AHI1: variants seen among roughly 807,000 people sequenced by gnomAD.
The protein encoded by AHI1 is jouberin.
AHI1 carries 123 observed loss-of-function variants against 149.3 expected under a neutral mutation model. The ratio of observed to expected loss-of-function variants is 0.82; its 90% CI spans 0.71 to 0.96. AHI1 has a LOEUF of 0.96. Ranked by LOEUF, AHI1 falls within the 40% of genes least tolerant of loss-of-function variation. The probability of loss-of-function intolerance (pLI) is 0.00; values close to 1 mark genes in which losing one functional copy is unlikely to be tolerated. For missense variants in AHI1, 1,439 were observed against 1,422.7 expected, an observed-to-expected ratio of 1.01 and a Z score of -0.18; for synonymous variants, 475 against 459.8, an observed-to-expected ratio of 1.03 and a Z score of -0.42.
intron 5 of AHI1, among the ~76,000 whole-genome samples, chr6:135,479,225 G>A (rs1282849333): frequency 6.6e-6 from 1 of 152,228 alleles, no homozygotes; most frequent in East Asian, 1.9e-4. Flanking sequence ...TGTGAGAAGA[G>A]GGCCACTGTC....
At chr6:135,327,228 T>G (rs187538222) in intron 24 of AHI1, among the ~76,000 whole-genome samples, 1 of 152,314 alleles carries the variant, frequency 6.6e-6, no homozygotes, top group African/African-American at 2.4e-5. Flanking sequence ...ATGAACCACT[T>G]ACTACCACCC....
chr6:135,486,596 G>A (rs1182088549), intron 5 of AHI1, among the ~76,000 whole-genome samples: 5 of 151,874 alleles, frequency 3.3e-5, no homozygotes, highest in Non-Finnish European at 5.9e-5. Flanking sequence ...TATTTATATA[G>A]AGTTTTTTGT....
chr6:135,312,870 C>T (rs1483213776), intron 26 of AHI1, among the ~76,000 whole-genome samples: 2 of 152,092 alleles, frequency 1.3e-5, no homozygotes, highest in Admixed American at 6.5e-5. Context: ...AACTTAGATG[C>T]CCCACAATTT....
chr6:135,339,228 T>A, intron 24 of AHI1, among the ~76,000 whole-genome samples: 1 of 152,202 alleles, frequency 6.6e-6, no homozygotes, highest in East Asian at 1.9e-4. Context: ...ACTAGAGAAA[T>A]TAATTTCCAG....
chr6:135,488,542 GTC>G (rs1381265574), intron 5 of AHI1, among the ~76,000 whole-genome samples: 2 of 152,060 alleles, frequency 1.3e-5, no homozygotes, highest in Non-Finnish European at 2.9e-5. Context: ...CACCTAACAT[GTC>G]TGTTTGTCTG....
chr6:135,328,771 G>T lies in AHI1; in HGVS notation c.3166-5447C>A, dbSNP rs147458618. Among the ~76,000 whole-genome samples, 381 of 152,168 alleles carry T rather than the reference G, an allele frequency of 2.5e-3. 5 individuals carry two copies. Among genetic ancestry groups the T allele is most frequent in the African/African-American group, 8.4e-3 (349 of 41,526 alleles). On this transcript the variant is annotated intron_variant, in intron 24 of 28. Coordinates refer to ENST00000265602, the MANE Select transcript of AHI1 (RefSeq NM_001134831.2). ...GAGGAAGGGATGTAGAAAGCTGATAGAAGCAAAAAACTGGCATTTTGTGCC... is the reference window on the plus strand; with the variant it reads ...GAGGAAGGGATGTAGAAAGCTGATATAAGCAAAAAACTGGCATTTTGTGCC...
intron 23 of AHI1, among the ~76,000 whole-genome samples, chr6:135,376,605 C>T (rs186904781): frequency 2.1e-3 from 313 of 151,930 alleles, no homozygotes; most frequent in African/African-American, 7.1e-3. Context: ...GGTCGAAGGC[C>T]GGGCGCAGTG....
At chr6:135,485,749 G>C (rs1794382172) in intron 5 of AHI1, among the ~76,000 whole-genome samples, 1 of 151,988 alleles carries the variant, frequency 6.6e-6, no homozygotes, top group South Asian at 2.1e-4. Context: ...ATTCACATAG[G>C]TTTTCTAATA....
chr6:135,466,546 T>C (rs964794339), intron 6 of AHI1, among the ~76,000 whole-genome samples, 173 bp from the exon 7 acceptor site: 13 of 152,222 alleles, frequency 8.5e-5, no homozygotes, highest in African/African-American at 3.1e-4. Context: ...TAATTTATGC[T>C]TCCAGAATTT....
intron 20 of AHI1, among the ~76,000 whole-genome samples, chr6:135,416,207 T>C (rs1337635198): frequency 1.3e-5 from 2 of 152,058 alleles, no homozygotes; most frequent in Non-Finnish European, 2.9e-5. Flanking sequence ...TAATTAATCT[T>C]ACTATGCAGA....
At chr6:135,382,425 C>T (rs922725631) in intron 23 of AHI1, among the ~76,000 whole-genome samples, 1 of 152,150 alleles carries the variant, frequency 6.6e-6, no homozygotes, top group Non-Finnish European at 1.5e-5. Context: ...GGTTCCTAAA[C>T]CTAATTTCCA....
chr6:135,384,906 T>G (rs1777353822), intron 23 of AHI1, among the ~76,000 whole-genome samples: 1 of 151,240 alleles, frequency 6.6e-6, no homozygotes, highest in Non-Finnish European at 1.5e-5. Flanking sequence ...CTGCCCACCA[T>G]GGTGAAATCC....
intron 13 of AHI1, among the ~76,000 whole-genome samples, chr6:135,446,800 C>G (rs1787308572): frequency 6.6e-6 from 1 of 152,000 alleles, no homozygotes; most frequent in Non-Finnish European, 1.5e-5. Flanking sequence ...GCCCAAGTGC[C>G]CAAAGAATGT....
At chr6:135,456,431 C>A (rs1156526123) in intron 9 of AHI1, among the ~76,000 whole-genome samples, 3 of 151,686 alleles carry the variant, frequency 2.0e-5, no homozygotes, top group Non-Finnish European at 4.4e-5. Flanking sequence ...GCAGTCCCAG[C>A]TACGTGGGAG....
chr6:135,302,784 A>C (rs1308405708), intron 26 of AHI1: 9 of 1,288,874 alleles, frequency 7.0e-6, no homozygotes, highest in Admixed American at 4.6e-5. Flanking sequence ...GGGAAGAAGG[A>C]GGTGTCTCTG....
intron 24 of AHI1, among the ~76,000 whole-genome samples, chr6:135,355,174 T>C (rs1792759884): frequency 6.6e-6 from 1 of 152,144 alleles, no homozygotes; most frequent in South Asian, 2.1e-4. Context: ...CTAGAAAATG[T>C]ACTCTGAGGT....
At chr6:135,423,221 C>T (rs1783462253) in intron 20 of AHI1, among the ~76,000 whole-genome samples, 1 of 152,136 alleles carries the variant, frequency 6.6e-6, no homozygotes, top group Non-Finnish European at 1.5e-5. Flanking sequence ...GCTACTACTA[C>T]CACTGTTATT....
intron 11 of AHI1, among the ~76,000 whole-genome samples, chr6:135,449,831 C>G (rs1377342149): frequency 1.3e-5 from 2 of 152,154 alleles, no homozygotes; most frequent in African/African-American, 4.8e-5. Flanking sequence ...ATGGCTAGCA[C>G]AAATGTGAAA....
chr6:135,480,260 C>T (rs531032845), intron 5 of AHI1, among the ~76,000 whole-genome samples: 110 of 152,196 alleles, frequency 7.2e-4, no homozygotes, highest in African/African-American at 2.6e-3. Context: ...AGTTCAAGAC[C>T]AGCCTGGGCA....
Sources: gnomAD v4.1 joint callset for allele counts (sites outside exome capture counted in the v4.1 genomes callset) on GRCh38, gnomAD v4.1.1 for gene constraint, MANE v1.5 for transcripts, NCBI Gene and HGNC (gene_info 2026-07-23, HGNC 2026-07-21) for gene names.